The following FILIP1 variants were observed in gnomAD, a reference collection of about 807,000 sequenced individuals.
FILIP1 encodes filamin A interacting protein 1.
A neutral mutation model predicts 102.1 loss-of-function variants in FILIP1; 61 were observed. The observed-to-expected ratio is 0.60, with a 90% CI of 0.49 to 0.74. The LOEUF (loss-of-function observed/expected upper bound fraction) is 0.74. Ranked by LOEUF, FILIP1 falls within the 30% of genes least tolerant of loss-of-function variation. The pLI, the probability that FILIP1 is intolerant of heterozygous loss-of-function variation, is 0.00. For missense variants in FILIP1, 1,314 were observed against 1,441.2 expected (o/e 0.91, Z 1.43); for synonymous variants, 491 against 526.9 (o/e 0.93, Z 0.93).
At chr6:75,292,061 A>G (rs1582294884) in exon 7 of FILIP1, 1 of 152,246 alleles carries the variant, frequency 6.6e-6, no homozygotes, top group African/African-American at 2.4e-5. Context: ...TTACATTCAT[A>G]TAAAAGATAA....
chr6:75,382,692 G>C (rs183704425), intron 2 of FILIP1, among the ~76,000 whole-genome samples: 1 of 152,152 alleles, frequency 6.6e-6, no homozygotes, highest in Non-Finnish European at 1.5e-5. Flanking sequence ...GAAGACCTTC[G>C]GTTCAATGGG....
chr6:75,469,107 T>C (rs1030623752), intron 1 of FILIP1, among the ~76,000 whole-genome samples: 15 of 152,022 alleles, frequency 9.9e-5, no homozygotes, highest in African/African-American at 3.6e-4. Context: ...AATTCTATTA[T>C]TAATTCTAGA....
intron 4 of FILIP1, among the ~76,000 whole-genome samples, chr6:75,338,412 G>C (rs1361703440): frequency 1.3e-5 from 2 of 152,102 alleles, no homozygotes; most frequent in East Asian, 3.9e-4. Context: ...AAGCATTCTT[G>C]GAAAAAGAGT....
intron 1 of FILIP1, among the ~76,000 whole-genome samples, chr6:75,438,680 A>G (rs1778104850): frequency 6.6e-6 from 1 of 152,210 alleles, no homozygotes; most frequent in Non-Finnish European, 1.5e-5. Flanking sequence ...ATATCAGTAC[A>G]TTCTACGTAA....
intron 5 of FILIP1, among the ~76,000 whole-genome samples, chr6:75,310,042 C>T (rs1211428180): frequency 2.6e-5 from 4 of 152,184 alleles, no homozygotes; most frequent in African/African-American, 9.7e-5. Context: ...CATGTATGTG[C>T]CTCCCTTCAA....
intron 2 of FILIP1, among the ~76,000 whole-genome samples, chr6:75,414,417 G>A (rs59944136): frequency 0.01 from 1,591 of 152,154 alleles, 32 homozygotes; most frequent in African/African-American, 0.037. Flanking sequence ...CCTACTGACC[G>A]AAAGGATCTG....
Position 75,314,623 on chromosome 6 carries a change from C to A in FILIP1, c.1209G>T (p.Gln403His). The A allele has an allele frequency of 1.2e-6, 2 of 1,613,522 alleles. No individual in the cohort carries two copies. Among genetic ancestry groups the A allele is most frequent in the South Asian group, 1.1e-5 (1 of 90,850 alleles). ...KDEEITKTES[Q>H]CRELRKKLQE... ...GCAGCTTCTTCCTCAATTCCCTACA[C>A]TGGGATTCAGTTTTAGTGATCTCCT... The change falls in exon 5 of 6, where the codon CAG becomes CAT. Residue 403 changes from glutamine (Q) to histidine (H), a missense_variant. This residue lies in a region of FILIP1 where 494 missense variants were observed against 511.2 expected (regional missense o/e 0.97). Transcript: ENST00000237172.
At chr6:75,293,488 C>T (rs922124465) in exon 7 of FILIP1, 14 of 152,116 alleles carry the variant, frequency 9.2e-5, no homozygotes, top group African/African-American at 3.4e-4. Context: ...TCATGTGTCA[C>T]TCAGATTGCA....
intron 2 of FILIP1, among the ~76,000 whole-genome samples, chr6:75,400,884 G>C (rs1481555195): frequency 6.6e-6 from 1 of 152,092 alleles, no homozygotes; most frequent in African/African-American, 2.4e-5. Flanking sequence ...AAGAAGTTGA[G>C]AAGATCTCAA....
chr6:75,441,138 G>A (rs1199574655), intron 1 of FILIP1, among the ~76,000 whole-genome samples: 2,255 of 151,632 alleles, frequency 0.015, 60 homozygotes, highest in African/African-American at 0.051. Flanking sequence ...GGCCTTCCGC[G>A]GTGTTTGTGT....
intron 2 of FILIP1, among the ~76,000 whole-genome samples, chr6:75,379,017 C>T (rs1775823603): frequency 2.0e-5 from 3 of 152,258 alleles, no homozygotes; most frequent in South Asian, 2.1e-4. Flanking sequence ...TTTACCTATA[C>T]ATAATACCTG....
chr6:75,370,722 G>A lies in FILIP1; in HGVS notation c.277-7805C>T, dbSNP rs192588663. On this transcript the variant is annotated intron_variant, in intron 2 of 5. Transcript: ENST00000237172. Reference sequence around the variant, plus strand: ...CTCCCCAGTAGCTGGGATTACAGGCGCCTGCCACAACCCCGGGCTAATTTT... The same window carrying A: ...CTCCCCAGTAGCTGGGATTACAGGCACCTGCCACAACCCCGGGCTAATTTT... Among the ~76,000 whole-genome samples the A allele has an allele frequency of 7.6e-3, 1,146 of 151,474 alleles. 9 individuals carry two copies. The highest frequency in any genetic ancestry group is 0.021 in the Middle Eastern group (6 of 292).
At chr6:75,373,463 A>AT in intron 2 of FILIP1, among the ~76,000 whole-genome samples, 2 of 152,238 alleles carry the variant, frequency 1.3e-5, no homozygotes, top group South Asian at 4.1e-4. Flanking sequence ...CCACAATCTT[A>AT]TTTTTATTTA....
At chr6:75,439,763 G>A (rs1030382255) in intron 1 of FILIP1, among the ~76,000 whole-genome samples, 3 of 152,198 alleles carry the variant, frequency 2.0e-5, no homozygotes, top group Non-Finnish European at 4.4e-5. Context: ...TAAACTCTAG[G>A]TTAGAAAGAC....
At chr6:75,401,768 C>G (rs1776668095) in intron 2 of FILIP1, among the ~76,000 whole-genome samples, 1 of 152,094 alleles carries the variant, frequency 6.6e-6, no homozygotes, top group Non-Finnish European at 1.5e-5. Context: ...TGGAAGTCTT[C>G]TGGAATCACA....
At chr6:75,490,599 A>G (rs1332977371) in intron 1 of FILIP1, among the ~76,000 whole-genome samples, 1 of 151,704 alleles carries the variant, frequency 6.6e-6, no homozygotes, top group Non-Finnish European at 1.5e-5. Flanking sequence ...AAAGTATATA[A>G]GTTACAGTAT....
At chr6:75,365,584 G>A (rs1018356226) in intron 2 of FILIP1, among the ~76,000 whole-genome samples, 2 of 151,986 alleles carry the variant, frequency 1.3e-5, no homozygotes, top group Non-Finnish European at 2.9e-5. Flanking sequence ...ACAGGGTTTC[G>A]CCATGTTGGC....
intron 1 of FILIP1, among the ~76,000 whole-genome samples, chr6:75,463,227 C>A (rs1454835965): frequency 6.6e-6 from 1 of 152,052 alleles, no homozygotes; most frequent in Non-Finnish European, 1.5e-5. Context: ...GTGCCCCATA[C>A]CCCCCTTTCC....
intron 6 of FILIP1, among the ~76,000 whole-genome samples, chr6:75,300,639 G>A (rs1772812769): frequency 6.6e-6 from 1 of 152,072 alleles, no homozygotes; most frequent in Admixed American, 6.5e-5. Context: ...TTTTAAATAG[G>A]AAGTTCAAGA....
Sources: allele counts gnomAD v4.1 joint callset (sites outside exome capture counted in the v4.1 genomes callset), GRCh38; gene constraint gnomAD v4.1.1; regional missense constraint gnomAD v4.1.1; transcripts MANE v1.5; gene names NCBI Gene and HGNC (gene_info 2026-07-23, HGNC 2026-07-21).